The following IL1R2 variants were observed in gnomAD, a reference collection of about 807,000 sequenced individuals.
IL1R2 encodes interleukin 1 receptor type 2.
IL1R2 carries 46 observed loss-of-function variants against 39.5 expected under a neutral mutation model. That is an observed-to-expected ratio of 1.16 (90% CI 0.92 to 1.49). IL1R2 has a LOEUF of 1.49. Ranked by LOEUF, IL1R2 falls within the 40% of genes most tolerant of loss-of-function variation. The probability of loss-of-function intolerance (pLI) is 0.00; values close to 1 mark genes in which losing one functional copy is unlikely to be tolerated. For synonymous variants in IL1R2, 207 were observed against 189.6 expected, an observed-to-expected ratio of 1.09 and a Z score of -0.75; for missense variants, 537 against 502.0, an observed-to-expected ratio of 1.07 and a Z score of -0.67.
intron 4 of IL1R2, among the ~76,000 whole-genome samples, chr2:102,016,679 A>G (rs533955806): frequency 6.6e-6 from 1 of 152,310 alleles, no homozygotes; most frequent in South Asian, 2.1e-4. Context: ...TCTCAGAATT[A>G]TCCCATTGTT....
At chr2:102,018,736 G>C (rs1383954300) in intron 4 of IL1R2, among the ~76,000 whole-genome samples, 6 of 152,156 alleles carry the variant, frequency 3.9e-5, no homozygotes, top group Non-Finnish European at 8.8e-5. Context: ...AGATGGTGAA[G>C]TCAAAACTCA....
chr2:102,005,751 T>C (rs1016788300), intron 1 of IL1R2, among the ~76,000 whole-genome samples: 2 of 152,202 alleles, frequency 1.3e-5, no homozygotes, highest in Non-Finnish European at 2.9e-5. Context: ...GGGAAATGTC[T>C]GTGTATAGAG....
chr2:102,028,184 A>C, intron 8 of IL1R2, 42 bp from the exon 9 acceptor site: 1 of 1,541,000 alleles, frequency 6.5e-7, no homozygotes. Flanking sequence ...TTGTACAGTG[A>C]GAGACTGTTC....
chr2:102,026,232 C>T lies in IL1R2; in HGVS notation c.1009C>T (p.Leu337=). 1 of 1,611,720 alleles carries T rather than the reference C, an allele frequency of 6.2e-7. No homozygotes were observed. The highest frequency in any genetic ancestry group is 8.5e-7 in the Non-Finnish European group (1 of 1,179,080). The change falls in exon 8 of 9, where the codon CTA becomes TTA. Residue 337 remains leucine (L), a synonymous_variant. Coordinates refer to ENST00000332549, the MANE Select transcript of IL1R2 (RefSeq NM_004633.4). Reference sequence around the variant, plus strand: ...CCATAATACCCTGAGTTTTCAGACACTACGCACCACAGTCAAGGAAGGTAT... The same window carrying T: ...CCATAATACCCTGAGTTTTCAGACATTACGCACCACAGTCAAGGAAGGTAT... ...VVHNTLSFQT[L]RTTVKEASST... is the part of the protein sequence containing the mutation.
chr2:102,022,223 C>G lies in IL1R2; in HGVS notation c.725C>G (p.Pro242Arg), dbSNP rs758651036. The change falls in exon 6 of 9, where the codon CCC becomes CGC. Residue 242 changes from proline (P) to arginine (R), a missense_variant. Transcript: ENST00000332549. Reference sequence around the variant, plus strand: ...GAGACCATTCCTGTGATCATTTCCCCCCTCAAGACCATATCAGCTTCTCTG... The same window carrying G: ...GAGACCATTCCTGTGATCATTTCCCGCCTCAAGACCATATCAGCTTCTCTG... ...KEETIPVIIS[P>R]LKTISASLGS... The G allele has an allele frequency of 7.7e-5, 124 of 1,613,714 alleles. No homozygotes were observed. Among genetic ancestry groups the G allele is most frequent in the Non-Finnish European group, 1.0e-4 (122 of 1,179,704 alleles).
intron 3 of IL1R2, among the ~76,000 whole-genome samples, chr2:102,014,024 T>C (rs1324786818): frequency 6.6e-6 from 1 of 152,174 alleles, no homozygotes; most frequent in East Asian, 1.9e-4. Flanking sequence ...GGTGATCAAA[T>C]TGCCCCTCAC....
rs184740424 is a variant in IL1R2, at chr2:102,000,733, G to A, written c.-61-7782G>A. 1.5e-3 allele frequency among the ~76,000 whole-genome samples: 233 copies of A among 152,280 alleles called. 1 individual carries two copies. Among genetic ancestry groups the A allele is most frequent in the Non-Finnish European group, 2.8e-3 (192 of 68,022 alleles). ...AGAACGAGTGCCAAAACCAAGGATT[G>A]TGTAGGCTTGGGTTTACATCCTATT... On this transcript the variant is annotated intron_variant, in intron 1 of 8. Coordinates refer to ENST00000332549, the MANE Select transcript of IL1R2 (RefSeq NM_004633.4).
At chr2:102,009,514 G>A (rs1231244764) in intron 2 of IL1R2, 48 bp from the exon 3 acceptor site, 2 of 1,590,624 alleles carry the variant, frequency 1.3e-6, no homozygotes, top group Admixed American at 1.7e-5. Flanking sequence ...TTTATGATCT[G>A]AGCAAGTTTT....
In IL1R2 at chr2:102,026,170, C is replaced by A. The variant is rs753377905; in HGVS notation, c.947C>A (p.Thr316Lys). ...GTGCCATTGATTTTTGATCCTGTCACAAGAGAGGATTTGCACATGGATTTT... is the reference window on the plus strand; with the variant it reads ...GTGCCATTGATTTTTGATCCTGTCAAAAGAGAGGATTTGCACATGGATTTT... ...IEVPLIFDPV[T>K]REDLHMDFKC... The change falls in exon 8 of 9, where the codon ACA (threonine) becomes AAA (lysine). Residue 316 changes from threonine (T) to lysine (K), a missense_variant. By Grantham distance (78) the Thr-to-Lys change is moderately conservative (BLOSUM62 -1). Transcript: ENST00000332549. 1 of 1,610,452 alleles carries A rather than the reference C, an allele frequency of 6.2e-7. No individual in the cohort carries two copies. Among genetic ancestry groups the A allele is most frequent in the Non-Finnish European group, 8.5e-7 (1 of 1,176,746 alleles).
chr2:102,018,694 C>T (rs1022685029), intron 4 of IL1R2, among the ~76,000 whole-genome samples: 90 of 152,110 alleles, frequency 5.9e-4, no homozygotes, highest in African/African-American at 2.0e-3. Context: ...GTTAAGGACC[C>T]ATAAGGATGT....
rs1400902808 is a variant in IL1R2 at position 102,009,673 on chromosome 2, C to T, written c.179C>T (p.Ser60Phe). 5.0e-6 allele frequency: 8 copies of T among 1,614,098 alleles called. No homozygotes were observed. The highest frequency in any genetic ancestry group is 3.3e-5 in the South Asian group (3 of 91,096). ...CAGGTGCCCTACTGGTTGTGGGCCT[C>T]TGTCAGCCCCCGCATCAACCTGACA... ...CPQVPYWLWA[S>F]VSPRINLTWH... is the part of the protein sequence containing the mutation. Residue 60 changes from serine (S) to phenylalanine (F), a missense_variant, in exon 3 of 9, where the codon TCT becomes TTT. By Grantham distance (155) the Ser-to-Phe change is radical. Transcript: ENST00000332549.
rs534368516 is a variant in IL1R2 at position 102,000,148 on chromosome 2, A to G, written c.-62+8137A>G. Among the ~76,000 whole-genome samples the G allele has an allele frequency of 1.2e-3, 180 of 152,330 alleles. 1 individual carries two copies. The South Asian group carries it at 0.012, about 10-fold the overall frequency. On this transcript the variant is annotated intron_variant, in intron 1 of 8. Transcript: ENST00000332549. ...AACTGTGTCCTTGAGCAAGCTCCTT[A>G]TCTCCCTGAGTACCGGGCTCTGCTT...
chr2:102,004,999 C>T (rs1052896288), intron 1 of IL1R2, among the ~76,000 whole-genome samples: 2 of 152,182 alleles, frequency 1.3e-5, no homozygotes, highest in Non-Finnish European at 1.5e-5. Flanking sequence ...CTTCTTCTCA[C>T]CCATCCAGCC....
At position 102,016,239 on chromosome 2, in the gene IL1R2, A is replaced by T. The variant is rs1330458398; in HGVS notation, c.513+188A>T. ...ATTCAACCAACCTGGGATTGAAAAT[A>T]TAAACAAATAAACAAATAAAATAAC... On this transcript the variant is annotated intron_variant, in intron 4 of 8. Coordinates refer to ENST00000332549, the MANE Select transcript of IL1R2 (RefSeq NM_004633.4). 9.8e-6 allele frequency: 5 copies of T among 509,176 alleles called. No individual in the cohort carries two copies. In the Admixed American group the frequency reaches 1.8e-4, roughly 18 times the overall value. 31.5% of individuals were successfully genotyped at this position (509,176 alleles called of 1,614,324 possible).
intron 1 of IL1R2, among the ~76,000 whole-genome samples, chr2:101,995,927 G>C (rs1675565256): frequency 6.6e-6 from 1 of 152,154 alleles, no homozygotes; most frequent in South Asian, 2.1e-4. Context: ...TGAGTGGATT[G>C]ATGGATGCAG....
chr2:102,018,349 G>C (rs1392992068), intron 4 of IL1R2, among the ~76,000 whole-genome samples: 2 of 152,218 alleles, frequency 1.3e-5, no homozygotes, highest in Non-Finnish European at 2.9e-5. Context: ...TTGAAACTCT[G>C]TTCCTTCTCT....
chr2:101,997,155 C>A (rs1469098678), intron 1 of IL1R2, among the ~76,000 whole-genome samples: 1 of 152,170 alleles, frequency 6.6e-6, no homozygotes, highest in Non-Finnish European at 1.5e-5. Flanking sequence ...CTGGACCTTC[C>A]TGGTCATGAG....
chr2:101,997,429 C>A (rs944571086), intron 1 of IL1R2, among the ~76,000 whole-genome samples: 1 of 152,180 alleles, frequency 6.6e-6, no homozygotes. Flanking sequence ...ACCTGAAGAG[C>A]TCCGAGGAGC....
intron 5 of IL1R2, among the ~76,000 whole-genome samples, chr2:102,020,542 A>G (rs1024686609): frequency 1.8e-4 from 28 of 152,160 alleles, no homozygotes; most frequent in Admixed American, 1.6e-3. Flanking sequence ...GATTTCAGAG[A>G]GCTTCAGAGA....
Sources: gnomAD v4.1 joint callset for allele counts (sites outside exome capture counted in the v4.1 genomes callset) on GRCh38, gnomAD v4.1.1 for gene constraint, MANE v1.5 for transcripts, NCBI Gene and HGNC (gene_info 2026-07-23, HGNC 2026-07-21) for gene names.